The following PPP2R2A variants were observed in gnomAD, a reference collection of about 807,000 sequenced individuals.
The protein encoded by PPP2R2A is serine/threonine-protein phosphatase 2A 55 kDa regulatory subunit B alpha isoform.
A neutral mutation model predicts 53.2 loss-of-function variants in PPP2R2A; 9 were observed. That is an observed-to-expected ratio of 0.17 (90% confidence interval 0.10 to 0.30). The LOEUF is 0.30. PPP2R2A is among the 10% of genes least tolerant of loss of function. The pLI is 1.00. For missense variants in PPP2R2A, 235 were observed against 534.6 expected (o/e 0.44, Z 5.53); for synonymous variants, 169 against 174.2 (o/e 0.97, Z 0.23).
At chr8:26,296,026 C>T (rs1043309777) in intron 2 of PPP2R2A, among the ~76,000 whole-genome samples, 8 of 152,118 alleles carry the variant, frequency 5.3e-5, no homozygotes, top group Non-Finnish European at 8.8e-5. Flanking sequence ...GCCTTTCTCC[C>T]GTCTACATGC....
intron 2 of PPP2R2A, among the ~76,000 whole-genome samples, chr8:26,331,754 G>A (rs1803388658): frequency 6.6e-6 from 1 of 152,114 alleles, no homozygotes; most frequent in Non-Finnish European, 1.5e-5. Flanking sequence ...GCAGTATTTG[G>A]AATACAGAAT....
At chr8:26,310,454 GTAT>G (rs149519938) in intron 2 of PPP2R2A, among the ~76,000 whole-genome samples, 7,171 of 150,948 alleles carry the variant, frequency 0.048, 275 homozygotes, top group East Asian at 0.24. Flanking sequence ...GTACAGTTTT[GTAT>G]TATGTTTTTT....
At position 26,360,583 on chromosome 8, in the gene PPP2R2A, G is replaced by C; in HGVS notation, c.459+302G>C. ...CAAGTTTCAAGATAAATTTTCTTTG[G>C]AAATCAAAAAAGTAGATACAGATCA... On this transcript the variant is annotated intron_variant, in intron 5 of 9. Transcript: ENST00000380737. This position sits in a 1 kb window ranked among gnomAD's most constrained non-coding sequence, Gnocchi z 4.5. 3.6e-6 allele frequency: 1 copy of C among 279,090 alleles called. No homozygotes were observed. The highest frequency in any genetic ancestry group is 7.1e-5 in the East Asian group (1 of 14,118). 17.3% of individuals were successfully genotyped at this position (279,090 alleles called of 1,614,324 possible).
chr8:26,352,109 G>A (rs915074750), intron 3 of PPP2R2A, among the ~76,000 whole-genome samples: 4 of 152,188 alleles, frequency 2.6e-5, no homozygotes, highest in African/African-American at 9.7e-5. Context: ...GAAAAGAGAG[G>A]GAGGTGAAAA....
At chr8:26,357,080 A>G (rs1191868922) in intron 4 of PPP2R2A, among the ~76,000 whole-genome samples, 2 of 152,220 alleles carry the variant, frequency 1.3e-5, no homozygotes, top group African/African-American at 4.8e-5. Context: ...GGAAGGATAA[A>G]GCAGATTATG....
Position 26,354,723 on chromosome 8 carries a change from T to C in PPP2R2A, c.346+90T>C, listed in dbSNP as rs140452010. On this transcript the variant is annotated intron_variant, in intron 4 of 9. Coordinates refer to ENST00000380737, the MANE Select transcript of PPP2R2A (RefSeq NM_002717.4). The surrounding 1 kb of genome is among the most constrained non-coding windows in gnomAD (Gnocchi z 4.6). ...TAGGAGAGGAATCATTTAACAGAGA[T>C]ACTTGTAAAAAGGACTTTTGTTTTT... The C allele has an allele frequency of 5.1e-5, 62 of 1,206,352 alleles. 1 individual carries two copies. Among genetic ancestry groups the C allele is most frequent in the African/African-American group, 5.1e-4 (33 of 64,510 alleles). 74.7% of individuals were successfully genotyped at this position (1,206,352 alleles called of 1,614,324 possible).
At chr8:26,326,872 C>G (rs1803114449) in intron 2 of PPP2R2A, among the ~76,000 whole-genome samples, 1 of 152,124 alleles carries the variant, frequency 6.6e-6, no homozygotes, top group South Asian at 2.1e-4. Context: ...CAGTTATATA[C>G]CAGGGCTTAT....
chr8:26,326,984 A>G (rs1332106411), intron 2 of PPP2R2A, among the ~76,000 whole-genome samples: 2 of 152,230 alleles, frequency 1.3e-5, no homozygotes, highest in African/African-American at 4.8e-5. Flanking sequence ...ATTTTATCCA[A>G]ACGGGCTATC....
At position 26,370,112 on chromosome 8, in the gene PPP2R2A, A is replaced by G. The variant is rs1459573809; in HGVS notation, c.1065-22A>G. 1 of 1,600,604 alleles carries G rather than the reference A, an allele frequency of 6.2e-7. No individual in the cohort carries two copies. Among genetic ancestry groups the G allele is most frequent in the Admixed American group, 1.7e-5 (1 of 59,334 alleles). ...ATTTCTTGTTCTGCTTGTTTGACTG[A>G]GTGTACTGTCTATTTTCACAGTGTT... is the stretch of plus-strand genomic sequence containing the variant. On this transcript the variant is annotated intron_variant, in intron 9 of 9. Transcript: ENST00000380737. This position sits in a 1 kb window ranked among gnomAD's most constrained non-coding sequence, Gnocchi z 6.1.
At chr8:26,339,880 A>G (rs902500458) in intron 3 of PPP2R2A, 2 of 152,066 alleles carry the variant, frequency 1.3e-5, no homozygotes. Context: ...TAGTAATAAT[A>G]CTACTACTTT....
intron 2 of PPP2R2A, among the ~76,000 whole-genome samples, chr8:26,295,058 C>G (rs1363960815): frequency 1.3e-5 from 2 of 152,168 alleles, no homozygotes; most frequent in Admixed American, 1.3e-4. Flanking sequence ...AACTACATTA[C>G]CTGTTGAATA....
chr8:26,362,641 C>T lies in PPP2R2A; in HGVS notation c.638-43C>T, dbSNP rs781706566. 3 of 1,576,796 alleles carry T rather than the reference C, an allele frequency of 1.9e-6. No homozygotes were observed. The highest frequency in any genetic ancestry group is 3.5e-5 in the Admixed American group (2 of 57,966). On this transcript the variant is annotated intron_variant, in intron 6 of 9. Coordinates refer to ENST00000380737, the MANE Select transcript of PPP2R2A (RefSeq NM_002717.4). The surrounding 1 kb of genome is among the most constrained non-coding windows in gnomAD (Gnocchi z 4.4). Reference sequence around the variant, plus strand: ...TTTGAGAAATGTAGAATTATATTTGCCCTTTTTTCTAAGTGGAAATTCCTT... The same window carrying T: ...TTTGAGAAATGTAGAATTATATTTGTCCTTTTTTCTAAGTGGAAATTCCTT...
At chr8:26,312,217 A>G (rs1802323534) in intron 2 of PPP2R2A, among the ~76,000 whole-genome samples, 2 of 152,158 alleles carry the variant, frequency 1.3e-5, no homozygotes, top group African/African-American at 4.8e-5. Context: ...ATTCCCCTCA[A>G]TTCCTTATTC....
chr8:26,366,203 T>C, intron 8 of PPP2R2A, 112 bp from the exon 9 acceptor site: 1 of 775,646 alleles, frequency 1.3e-6, no homozygotes, highest in South Asian at 1.7e-5. Context: ...GATTAATAGG[T>C]TTAAAAGGTG....
At chr8:26,334,338 C>CG (rs1803542593) in intron 2 of PPP2R2A, among the ~76,000 whole-genome samples, 1 of 152,058 alleles carries the variant, frequency 6.6e-6, no homozygotes, top group South Asian at 2.1e-4. Flanking sequence ...TGCACAAATT[C>CG]GGTATGATAG....
At position 26,362,884 on chromosome 8, in the gene PPP2R2A, T is replaced by A; in HGVS notation, c.802+36T>A. 6.3e-7 allele frequency: 1 copy of A among 1,582,580 alleles called. No individual in the cohort carries two copies. Among genetic ancestry groups the A allele is most frequent in the South Asian group, 1.1e-5 (1 of 89,628 alleles). On this transcript the variant is annotated intron_variant, in intron 7 of 9. Coordinates refer to ENST00000380737, the MANE Select transcript of PPP2R2A (RefSeq NM_002717.4). This position sits in a 1 kb window ranked among gnomAD's most constrained non-coding sequence, Gnocchi z 4.4. ...TGTATCTTTCCTTAAAATGATTACATATTCTGTTTGTCTGAAATAAGCCTC... is the reference window on the plus strand; with the variant it reads ...TGTATCTTTCCTTAAAATGATTACAAATTCTGTTTGTCTGAAATAAGCCTC...
chr8:26,291,912 C>G, intron 1 of PPP2R2A, 86 bp downstream of exon 1: 1 of 1,551,702 alleles, frequency 6.4e-7, no homozygotes. Context: ...GCCCGCGCCT[C>G]GCGCAGAGCC....
intron 2 of PPP2R2A, among the ~76,000 whole-genome samples, chr8:26,335,466 C>T (rs919300143): frequency 6.6e-6 from 1 of 152,208 alleles, no homozygotes; most frequent in Admixed American, 6.5e-5. Context: ...AATATGATTA[C>T]ATTAAATATA....
In PPP2R2A at chr8:26,360,837, CT is replaced by C; in HGVS notation, c.460-132del. ...CACTCGAAAGGATCAACATCAGTTG[CT>C]TTTTAAAACTAAATCTATGTAATAT... On this transcript the variant is annotated intron_variant, in intron 5 of 9. Coordinates refer to ENST00000380737, the MANE Select transcript of PPP2R2A (RefSeq NM_002717.4). This position sits in a 1 kb window ranked among gnomAD's most constrained non-coding sequence, Gnocchi z 4.5. 2 of 778,154 alleles carry C rather than the reference CT, an allele frequency of 2.6e-6. No individual in the cohort carries two copies. The highest frequency in any genetic ancestry group is 6.2e-5 in the East Asian group (2 of 32,032). 48.2% of individuals were successfully genotyped at this position (778,154 alleles called of 1,614,324 possible).
Sources: allele counts gnomAD v4.1 joint callset (sites outside exome capture counted in the v4.1 genomes callset), GRCh38; gene constraint gnomAD v4.1.1; non-coding constraint Gnocchi (gnomAD v3.1); transcripts MANE v1.5; gene names NCBI Gene and HGNC (gene_info 2026-07-23, HGNC 2026-07-21).